Variants in ATP10B observed in about 807,000 individuals in gnomAD.
ATP10B encodes ATPase phospholipid transporting 10B (putative).
Under a neutral mutation model 141.2 loss-of-function variants are expected in ATP10B, and 122 were observed. The observed-to-expected ratio is 0.86, with a 90% confidence interval of 0.75 to 1.00. The LOEUF (loss-of-function observed/expected upper bound fraction) is 1.00. Among genes scored for constraint, ATP10B ranks in the 50% least tolerant of loss-of-function variants. The pLI is 0.00. For missense variants in ATP10B, 1,876 were observed against 1,825.3 expected (o/e 1.03, Z -0.51); for synonymous variants, 685 against 692.0 (o/e 0.99, Z 0.16).
At chr5:160,773,762 C>T (rs1164254875) in intron 2 of ATP10B, among the ~76,000 whole-genome samples, 3 of 152,132 alleles carry the variant, frequency 2.0e-5, no homozygotes, top group East Asian at 1.9e-4. Flanking sequence ...AAACATCCCA[C>T]CTCTGTTCCA....
In ATP10B at chr5:160,566,310, C is replaced by T. The variant is rs140599007; in HGVS notation, c.3939-410G>A. On this transcript the variant is annotated intron_variant, in intron 25 of 25. Transcript: ENST00000327245. ...AATCCAAAGACTTGTCTCTTTTTTG[C>T]CATGCCCAAAGCAGTCCATTCTATT... 2.0e-5 allele frequency among the ~76,000 whole-genome samples: 3 copies of T among 152,206 alleles called. No individual in the cohort carries two copies. The East Asian group carries it at 5.8e-4, about 29-fold the overall frequency.
chr5:160,861,120 A>G, the ATP10B span, among the ~76,000 whole-genome samples: 3 of 151,884 alleles, frequency 2.0e-5, no homozygotes, highest in African/African-American at 7.2e-5. Flanking sequence ...CTTAATTTTT[A>G]TCAAGTGCAT....
At chr5:160,599,262 A>G (rs991667318) in intron 21 of ATP10B, among the ~76,000 whole-genome samples, 2 of 152,220 alleles carry the variant, frequency 1.3e-5, no homozygotes, top group African/African-American at 4.8e-5. Flanking sequence ...TAGAAACTGC[A>G]ACTTAAAGCA....
At chr5:160,782,249 C>T (rs1770765436) in intron 2 of ATP10B, among the ~76,000 whole-genome samples, 2 of 152,130 alleles carry the variant, frequency 1.3e-5, no homozygotes, top group Admixed American at 1.3e-4. Flanking sequence ...CCAGAACTGG[C>T]TCCTGCCCAC....
intron 2 of ATP10B, among the ~76,000 whole-genome samples, chr5:160,729,215 G>A (rs188920576): frequency 4.6e-5 from 7 of 152,208 alleles, no homozygotes; most frequent in African/African-American, 1.4e-4. Context: ...ATAATGCAAG[G>A]GAGAAGTGTA....
the ATP10B span, among the ~76,000 whole-genome samples, chr5:160,926,477 CAAGAT>C: frequency 1.3e-5 from 2 of 152,088 alleles, no homozygotes; most frequent in Non-Finnish European, 2.9e-5. Context: ...GGAAATAGAA[CAAGAT>C]AAGGAGAGAC....
intron 3 of ATP10B, among the ~76,000 whole-genome samples, chr5:160,708,924 G>C (rs1765185192): frequency 6.6e-6 from 1 of 152,166 alleles, no homozygotes; most frequent in South Asian, 2.1e-4. Flanking sequence ...CACCATGATA[G>C]CAAGCAGACA....
intron 2 of ATP10B, among the ~76,000 whole-genome samples, chr5:160,759,046 AAC>A (rs1176305555): frequency 6.6e-6 from 1 of 152,192 alleles, no homozygotes; most frequent in Non-Finnish European, 1.5e-5. Context: ...TAAACTCAGA[AAC>A]ACAATCCACA....
Position 160,617,916 on chromosome 5 carries a change from T to C in ATP10B, c.2474A>G (p.His825Arg). ...GCCATCTCTTGCATACAAGTCTAGA[T>C]GCTTTTGGGTCCGGGCTCGGATTTT... ...LRKIRARTQK[H>R]LDLYARDGLR... Residue 825 changes from histidine to arginine, a missense_variant, in exon 16 of 26, where the codon CAT becomes CGT. His to Arg is a conservative substitution (Grantham distance 29, BLOSUM62 0). Coordinates refer to ENST00000327245, the MANE Select transcript of ATP10B (RefSeq NM_025153.3). The C allele has an allele frequency of 1.9e-6, 3 of 1,614,226 alleles. No individual in the cohort carries two copies. Among genetic ancestry groups the C allele is most frequent in the South Asian group, 2.2e-5 (2 of 91,086 alleles).
intron 7 of ATP10B, among the ~76,000 whole-genome samples, chr5:160,652,835 T>A (rs1204517379): frequency 1.0e-5 from 1 of 98,986 alleles, no homozygotes; most frequent in Admixed American, 1.5e-4. Flanking sequence ...TTATATATAA[T>A]ATATATTATA....
At chr5:160,755,839 ATATATATATAT>A (rs1357780565) in intron 2 of ATP10B, among the ~76,000 whole-genome samples, 42 of 31,248 alleles carry the variant, frequency 1.3e-3, no homozygotes, top group African/African-American at 2.0e-3. Context: ...AAAAAAAAAA[ATATATATATAT>A]ATATATATAT....
In ATP10B at chr5:160,665,558, C is replaced by A. The variant is rs531734974; in HGVS notation, c.675+4905G>T. ...GTTAATATGTTAATGAACATTGGAA[C>A]CTGCAAGAGGGGTTCACAGGACAAA... On this transcript the variant is annotated intron_variant, in intron 7 of 25. Transcript: ENST00000327245. Among the ~76,000 whole-genome samples, 4 of 152,278 alleles carry A rather than the reference C, an allele frequency of 2.6e-5. No individual in the cohort carries two copies. The East Asian group carries it at 5.8e-4, about 22-fold the overall frequency.
chr5:160,910,843 C>A, the ATP10B span, among the ~76,000 whole-genome samples: 4 of 152,106 alleles, frequency 2.6e-5, no homozygotes, highest in African/African-American at 9.7e-5. Context: ...ATGGCCCCAC[C>A]AAGTTTCATC....
chr5:160,790,805 G>A (rs1162541388), intron 1 of ATP10B, among the ~76,000 whole-genome samples: 1 of 152,296 alleles, frequency 6.6e-6, no homozygotes. Context: ...AACTCTGCAA[G>A]TGGAATTAAG....
chr5:160,707,762 AAAGAG>A (rs1765103224), intron 3 of ATP10B, among the ~76,000 whole-genome samples: 1 of 152,192 alleles, frequency 6.6e-6, no homozygotes, highest in Non-Finnish European at 1.5e-5. Flanking sequence ...GAAACAGAAG[AAAGAG>A]AAGAGACAAA....
chr5:160,638,926 AG>A (rs1561681487), intron 10 of ATP10B, among the ~76,000 whole-genome samples: 1 of 152,128 alleles, frequency 6.6e-6, no homozygotes, highest in African/African-American at 2.4e-5. Context: ...ATCAACTTAA[AG>A]GGCTCCAGAT....
intron 24 of ATP10B, among the ~76,000 whole-genome samples, chr5:160,570,027 T>C (rs1372627903): frequency 6.6e-6 from 1 of 152,194 alleles, no homozygotes; most frequent in Non-Finnish European, 1.5e-5. Flanking sequence ...TTTGTTTTTT[T>C]TCCCTCAATA....
At chr5:160,916,287 A>T in the ATP10B span, among the ~76,000 whole-genome samples, 1 of 152,238 alleles carries the variant, frequency 6.6e-6, no homozygotes, top group African/African-American at 2.4e-5. Context: ...CCTGGGCTCC[A>T]GCCCTTGTTT....
At chr5:160,914,554 T>C in the ATP10B span, among the ~76,000 whole-genome samples, 399 of 152,332 alleles carry the variant, frequency 2.6e-3, no homozygotes, top group South Asian at 0.025. Context: ...TATTGGTTTT[T>C]TTGTATTATT....
Sources: gnomAD v4.1 joint callset for allele counts (sites outside exome capture counted in the v4.1 genomes callset) on GRCh38, gnomAD v4.1.1 for gene constraint, MANE v1.5 for transcripts, NCBI Gene and HGNC (gene_info 2026-07-23, HGNC 2026-07-21) for gene names.